NCOA1: variants seen among roughly 807,000 people sequenced by gnomAD.
The protein encoded by NCOA1 is Hin-2 protein.
In NCOA1, 35 loss-of-function variants were observed where a neutral mutation model predicts 150.9. The observed-to-expected ratio is 0.23, with a 90% CI of 0.18 to 0.31. The LOEUF (loss-of-function observed/expected upper bound fraction) is 0.31, where lower values mean the gene tolerates loss of function less well. NCOA1 is among the 10% of genes least tolerant of loss of function. The pLI is 1.00. For synonymous variants in NCOA1, 590 were observed against 630.0 expected (o/e 0.94, Z 0.95); for missense variants, 1,491 against 1,749.3 (o/e 0.85, Z 2.63).
rs180973968 is a variant in NCOA1 at position 24,664,698 on chromosome 2, T to A, written c.90-1051T>A. On this transcript the variant is annotated intron_variant, in intron 5 of 22. Transcript: ENST00000348332. ...ACTGCAGCCTGGCCTCACAGCAAGATTCCATCTCAAAAAAAAAAGAAAAAG... is the reference window on the plus strand; with the variant it reads ...ACTGCAGCCTGGCCTCACAGCAAGAATCCATCTCAAAAAAAAAAGAAAAAG... Among the ~76,000 whole-genome samples the A allele has an allele frequency of 2.0e-5, 3 of 152,020 alleles. No individual in the cohort carries two copies. The East Asian group carries it at 5.8e-4, about 29-fold the overall frequency.
At chr2:24,652,967 A>G (rs1380037187) in intron 4 of NCOA1, among the ~76,000 whole-genome samples, 1 of 152,166 alleles carries the variant, frequency 6.6e-6, no homozygotes, top group Non-Finnish European at 1.5e-5. Flanking sequence ...TGTGTTTTGT[A>G]AACAGGAAGC....
intron 19 of NCOA1, among the ~76,000 whole-genome samples, chr2:24,749,594 G>T (rs142752815): frequency 2.0e-5 from 3 of 152,120 alleles, no homozygotes; most frequent in Non-Finnish European, 2.9e-5. Context: ...GGTTTGCCTC[G>T]GTAGTGGGGC....
chr2:24,650,733 C>T (rs1670675337), intron 4 of NCOA1, among the ~76,000 whole-genome samples: 1 of 152,058 alleles, frequency 6.6e-6, no homozygotes, highest in African/African-American at 2.4e-5. Flanking sequence ...ATAAAATGAT[C>T]AAGGAAATGT....
At chr2:24,497,937 T>A (rs548008766) in intron 1 of NCOA1, among the ~76,000 whole-genome samples, 12 of 152,346 alleles carry the variant, frequency 7.9e-5, no homozygotes, top group Admixed American at 5.9e-4. Flanking sequence ...ATCTTAAAAT[T>A]CCAGTTTGCC....
Position 24,491,499 on chromosome 2 carries a change from C to CACG in NCOA1, c.-499_-498insACG, listed in dbSNP as rs1662951392. ...GCTCCGGAGGAGGGGGCCGGAGAGC[C>CACG]GCGGCGCCGGGCCCGAGGAGCGGCG... On this transcript the variant is annotated 5_prime_UTR_variant, in exon 1 of 23. Transcript: ENST00000348332. 1.4e-5 allele frequency among the ~76,000 whole-genome samples: 2 copies of CACG among 145,718 alleles called. No individual in the cohort carries two copies. Among genetic ancestry groups the CACG allele is most frequent in the Non-Finnish European group, 3.1e-5 (2 of 65,538 alleles).
At chr2:24,758,731 C>T (rs965307452) in intron 21 of NCOA1, among the ~76,000 whole-genome samples, 14 of 151,594 alleles carry the variant, frequency 9.2e-5, no homozygotes, top group Non-Finnish European at 1.8e-4. Flanking sequence ...GCCTATAATC[C>T]GAGCACTTTG....
chr2:24,599,220 G>A (rs555569889), intron 3 of NCOA1, among the ~76,000 whole-genome samples: 26 of 152,294 alleles, frequency 1.7e-4, no homozygotes, highest in Admixed American at 7.8e-4. Flanking sequence ...ATGTACACAT[G>A]TGACTCAGAT....
intron 19 of NCOA1, among the ~76,000 whole-genome samples, chr2:24,744,496 C>T (rs1317513495): frequency 6.6e-6 from 1 of 152,216 alleles, no homozygotes; most frequent in East Asian, 1.9e-4. Flanking sequence ...TAATTATAAA[C>T]TTGCTCCAAA....
rs1291057942 is a variant in NCOA1 at position 24,614,281 on chromosome 2, A to G, written c.-174-29685A>G. Among the ~76,000 whole-genome samples the G allele has an allele frequency of 2.4e-5, 3 of 125,632 alleles. No homozygotes were observed. In the East Asian group the frequency reaches 7.5e-4, roughly 31 times the overall value. 82.4% of individuals were successfully genotyped at this position (125,632 alleles called of 152,430 possible). On this transcript the variant is annotated intron_variant, in intron 3 of 22. Coordinates refer to ENST00000348332, the MANE Select transcript of NCOA1 (RefSeq NM_003743.5). Reference sequence around the variant, plus strand: ...CAGGCTGGAGTACAGTGGTGTGATCACAGCTGACTGCATGCAGCCTCAACC... The same window carrying G: ...CAGGCTGGAGTACAGTGGTGTGATCGCAGCTGACTGCATGCAGCCTCAACC...
Position 24,691,676 on chromosome 2 carries a change from C to A in NCOA1, c.712+16C>A. 1 of 1,606,062 alleles carries A rather than the reference C, an allele frequency of 6.2e-7. No individual in the cohort carries two copies. Among genetic ancestry groups the A allele is most frequent in the Admixed American group, 1.7e-5 (1 of 58,906 alleles). On this transcript the variant is annotated intron_variant, in intron 9 of 22. Transcript: ENST00000348332. ...GATGGAGAAGGTAAAGCCAAACGGTCTTTTTAAAGTGTTTATTTCTTCTGT... is the reference window on the plus strand; with the variant it reads ...GATGGAGAAGGTAAAGCCAAACGGTATTTTTAAAGTGTTTATTTCTTCTGT...
At chr2:24,502,645 G>T (rs577246136) in intron 1 of NCOA1, among the ~76,000 whole-genome samples, 1 of 152,110 alleles carries the variant, frequency 6.6e-6, no homozygotes, top group African/African-American at 2.4e-5. Context: ...TTTCCCACTA[G>T]TCTGCCCCAG....
chr2:24,602,867 T>A (rs1187855170), intron 3 of NCOA1, among the ~76,000 whole-genome samples: 1 of 152,212 alleles, frequency 6.6e-6, no homozygotes, highest in African/African-American at 2.4e-5. Context: ...TGTCTCAACT[T>A]ATTCCTCTTC....
At position 24,750,780 on chromosome 2, in the gene NCOA1, T is replaced by C. The variant is rs55905489; in HGVS notation, c.3707-1202T>C. ...TGGCGGCACAACTCTATAAGGGAAT[T>C]TGGGGAATGATTAGATGTCCAAACT... On this transcript the variant is annotated intron_variant, in intron 19 of 22. Coordinates refer to ENST00000348332, the MANE Select transcript of NCOA1 (RefSeq NM_003743.5). Among the ~76,000 whole-genome samples the C allele has an allele frequency of 5.3e-3, 806 of 152,114 alleles. 35 individuals are homozygous for C. The East Asian group carries it at 0.097, about 18-fold the overall frequency.
chr2:24,590,780 A>G (rs1370200049), intron 3 of NCOA1, among the ~76,000 whole-genome samples: 1 of 152,184 alleles, frequency 6.6e-6, no homozygotes, highest in East Asian at 1.9e-4. Context: ...GTGCCCAACA[A>G]ATTCCTGCTC....
In NCOA1 at chr2:24,570,928, A is replaced by C. The variant is rs185124021; in HGVS notation, c.-260+6498A>C. On this transcript the variant is annotated intron_variant, in intron 2 of 22. Coordinates refer to ENST00000348332, the MANE Select transcript of NCOA1 (RefSeq NM_003743.5). ...AACAGCAGTGCCTGGACTTTATTTG[A>C]GTCTAAATTTTAATAAACATTTATG... Among the ~76,000 whole-genome samples the C allele has an allele frequency of 1.8e-4, 27 of 152,380 alleles. No individual in the cohort carries two copies. In the East Asian group the frequency reaches 5.0e-3, roughly 28 times the overall value.
At chr2:24,733,615 A>G (rs1663132070) in intron 17 of NCOA1, among the ~76,000 whole-genome samples, 1 of 152,124 alleles carries the variant, frequency 6.6e-6, no homozygotes, top group South Asian at 2.1e-4. Context: ...ATGGTGGTGC[A>G]TGCCTGTAAT....
rs1032920763 is a variant in NCOA1 at position 24,593,030 on chromosome 2, T to A, written c.-175+8470T>A. On this transcript the variant is annotated intron_variant, in intron 3 of 22. Transcript: ENST00000348332. ...TTCAAGATGGATGAAGTCGTGAAGT[T>A]GTAGCTTTGAATTAATGAGGGAAAA... Among the ~76,000 whole-genome samples, 5 of 152,144 alleles carry A rather than the reference T, an allele frequency of 3.3e-5. No individual in the cohort carries two copies. In the South Asian group the frequency reaches 1.0e-3, roughly 32 times the overall value.
In NCOA1 at chr2:24,706,625, A is replaced by G. The variant is rs761268282; in HGVS notation, c.1155A>G (p.Arg385=). The change falls in exon 13 of 23, where the codon CGA becomes CGG. Residue 385 remains arginine, a synonymous_variant. Coordinates refer to ENST00000348332, the MANE Select transcript of NCOA1 (RefSeq NM_003743.5). The part of the protein sequence containing the change: ...DDTNSGMSIP[R]VNPSVNPSIS... ...CTAATTCTGGAATGTCAATTCCCCG[A>G]GTAAATCCCTCGGTCAATCCTAGTA... 6.2e-7 allele frequency: 1 copy of G among 1,614,136 alleles called. No individual in the cohort carries two copies. Among genetic ancestry groups the G allele is most frequent in the Non-Finnish European group, 8.5e-7 (1 of 1,180,010 alleles).
chr2:24,741,168 A>G (rs1203519698), intron 18 of NCOA1, among the ~76,000 whole-genome samples: 1 of 151,926 alleles, frequency 6.6e-6, no homozygotes. Context: ...GTTTTTTCTA[A>G]TTGTAAAGGT....
Sources: gnomAD v4.1 joint callset for allele counts (sites outside exome capture counted in the v4.1 genomes callset) on GRCh38, gnomAD v4.1.1 for gene constraint, MANE v1.5 for transcripts, NCBI Gene and HGNC (gene_info 2026-07-23, HGNC 2026-07-21) for gene names.